Variants in KRT26 observed in about 807,000 individuals in gnomAD.
KRT26 encodes keratin 26.
In KRT26, 45 loss-of-function variants were observed where a neutral mutation model predicts 46.1. The observed-to-expected ratio is 0.98, with a 90% CI of 0.77 to 1.25. KRT26 has a LOEUF of 1.25. Among genes scored for constraint, KRT26 ranks in the 50% most tolerant of loss-of-function variants. The pLI, the probability that KRT26 is intolerant of heterozygous loss-of-function variation, is 0.00. For missense variants in KRT26, 582 were observed against 560.1 expected, an observed-to-expected ratio of 1.04 and a Z score of -0.39; for synonymous variants, 191 against 209.9, an observed-to-expected ratio of 0.91 and a Z score of 0.78.
chr17:40,772,081 C>T, exon 1 of KRT26: 1 of 1,614,098 alleles, frequency 6.2e-7, no homozygotes, highest in African/African-American at 1.3e-5. Flanking sequence ...GCGAGCAGAT[C>T]CTCCTGGATC....
In KRT26 at chr17:40,766,718, G is replaced by T. The variant is rs749049792; in HGVS notation, c.1256-52C>A. The T allele has an allele frequency of 4.1e-4, 552 of 1,341,914 alleles. 1 individual carries two copies. Among genetic ancestry groups the T allele is most frequent in the African/African-American group, 2.9e-5 (2 of 68,756 alleles). 83.1% of individuals were successfully genotyped at this position (1,341,914 alleles called of 1,614,324 possible). The stretch of plus-strand genomic sequence containing the variant: ...TGGTCATTTTTTAACAGGTTGAAAA[G>T]TAGCCATAATAGGTATGCTTTTTGT... On this transcript the variant is annotated intron_variant, in intron 7 of 7. Transcript: ENST00000335552.
rs1281239864 is a variant in KRT26, at chr17:40,770,324, T to C, written c.610A>G (p.Thr204Ala). Reference sequence around the variant, plus strand: ...TCACACTGTATCTCCAGGTCGGTTGTACAAAGGGTCAGTTCATCCAACACT... The same window carrying C: ...TCACACTGTATCTCCAGGTCGGTTGCACAAAGGGTCAGTTCATCCAACACT... The change falls in exon 3 of 8, where the codon ACA (threonine) becomes GCA (alanine). Residue 204 changes from threonine to alanine, a missense_variant. Coordinates refer to ENST00000335552, the Ensembl canonical transcript of KRT26. 3.1e-6 allele frequency: 5 copies of C among 1,614,032 alleles called. No individual in the cohort carries two copies. The African/African-American group carries it at 5.3e-5, about 17-fold the overall frequency.
intron 2 of KRT26, among the ~76,000 whole-genome samples, chr17:40,770,778 G>A (rs149967612): frequency 3.3e-5 from 5 of 152,142 alleles, no homozygotes; most frequent in Admixed American, 6.5e-5. Context: ...TCCACCTTCC[G>A]GGTTCAAGTG....
exon 1 of KRT26, chr17:40,772,047 C>G: frequency 6.2e-7 from 1 of 1,614,164 alleles, no homozygotes; most frequent in East Asian, 2.2e-5. Flanking sequence ...GTTCCTCCAC[C>G]GGACAGCCTA....
exon 1 of KRT26, chr17:40,772,001 C>T: frequency 6.2e-7 from 1 of 1,614,150 alleles, no homozygotes; most frequent in Non-Finnish European, 8.5e-7. Flanking sequence ...GCTTCTTGCT[C>T]CCGATCCAAC....
intron 6 of KRT26, 104 bp from the exon 7 acceptor site, chr17:40,767,757 A>C: frequency 1.6e-6 from 1 of 621,154 alleles, no homozygotes; most frequent in East Asian, 2.8e-5. Context: ...AGTTTCAATA[A>C]GATTCAAATT....
exon 3 of KRT26, chr17:40,770,278 G>T (rs111493875): frequency 6.2e-7 from 1 of 1,614,114 alleles, no homozygotes; most frequent in Non-Finnish European, 8.5e-7. Flanking sequence ...TTTGAGGTAG[G>T]TCAATTCCTC....
intron 5 of KRT26, 109 bp downstream of exon 5, chr17:40,769,645 T>C: frequency 1.8e-6 from 2 of 1,114,808 alleles, no homozygotes; most frequent in Non-Finnish European, 2.6e-6. Flanking sequence ...TTTATACTTT[T>C]AGTCATATGT....
chr17:40,771,091 C>A (rs1368480219), intron 2 of KRT26, 63 bp downstream of exon 2: 1 of 967,108 alleles, frequency 1.0e-6, no homozygotes, highest in East Asian at 2.7e-5. Context: ...AATATATATT[C>A]CTTAATCCAA....
At chr17:40,768,290 G>A (rs956435762) in intron 6 of KRT26, among the ~76,000 whole-genome samples, 1 of 152,186 alleles carries the variant, frequency 6.6e-6, no homozygotes, top group African/African-American at 2.4e-5. Flanking sequence ...TACCTATGTA[G>A]TGAGACATTA....
In KRT26 at chr17:40,769,827, G is replaced by T. The variant is rs557898612; in HGVS notation, c.896C>A (p.Ala299Asp). 2.1e-5 allele frequency: 34 copies of T among 1,614,096 alleles called. No individual in the cohort carries two copies. The South Asian group carries it at 3.4e-4, about 16-fold the overall frequency. Reference sequence around the variant, plus strand: ...TTTTAATTCGGTCAGCTCATTTCTGGCTGCTGTGGCTGCTCCCTCATGATC... The same window carrying T: ...TTTTAATTCGGTCAGCTCATTTCTGTCTGCTGTGGCTGCTCCCTCATGATC... The change falls in exon 5 of 8, where the codon GCC (alanine) becomes GAC (aspartate). Residue 299 changes from alanine to aspartate, a missense_variant. Transcript: ENST00000335552.
Position 40,768,847 on chromosome 17 carries a change from G to T in KRT26, c.1187+32C>A, listed in dbSNP as rs1299255511. 27 of 987,300 alleles carry T rather than the reference G, an allele frequency of 2.7e-5. No homozygotes were observed. In the African/African-American group the frequency reaches 3.6e-4, roughly 13 times the overall value. 61.2% of individuals were successfully genotyped at this position (987,300 alleles called of 1,614,324 possible). A position where few individuals can be genotyped will look rare whatever the true frequency, so the allele number is the denominator to read the frequency against. On this transcript the variant is annotated intron_variant, in intron 6 of 7. Transcript: ENST00000335552. The stretch of plus-strand genomic sequence containing the variant: ...TGTGGGAAAACCTAGTTAATGTGAG[G>T]TTTTTTTTTTTTTTTGCAAGTTAAT...
chr17:40,769,170 T>C, intron 5 of KRT26, 74 bp from the exon 6 acceptor site: 5 of 978,232 alleles, frequency 5.1e-6, no homozygotes, highest in South Asian at 4.8e-5. Context: ...ATTTTATTTA[T>C]TTTTTTGAGA....
intron 7 of KRT26, 96 bp from the exon 8 acceptor site, chr17:40,766,762 A>G (rs1203832140): frequency 2.3e-6 from 2 of 858,966 alleles, no homozygotes; most frequent in African/African-American, 3.4e-5. Context: ...TTTTTTGAGA[A>G]GGAGTCTCGC....
chr17:40,770,354 G>A (rs749250027), exon 3 of KRT26: 19 of 1,613,642 alleles, frequency 1.2e-5, no homozygotes, highest in Middle Eastern at 1.6e-4. Context: ...AACACTCTGC[G>A]AAGACCACTG....
At chr17:40,767,409 T>C (rs1390307366) in intron 7 of KRT26, among the ~76,000 whole-genome samples, 177 bp downstream of exon 7, 1 of 152,252 alleles carries the variant, frequency 6.6e-6, no homozygotes, top group Non-Finnish European at 1.5e-5. Flanking sequence ...ACCACATCTG[T>C]TGATCTACGG....
chr17:40,769,989 T>C (rs2038207213), exon 4 of KRT26: 1 of 1,614,076 alleles, frequency 6.2e-7, no homozygotes, highest in African/African-American at 1.3e-5. Flanking sequence ...TTCAGCATCT[T>C]TGCGGTTCTG....
At chr17:40,769,634 T>C (rs954342804) in intron 5 of KRT26, 120 bp downstream of exon 5, 67 of 1,038,508 alleles carry the variant, frequency 6.5e-5, no homozygotes, top group Non-Finnish European at 9.1e-5. Flanking sequence ...ATTTAATATA[T>C]TTTATACTTT....
intron 7 of KRT26, among the ~76,000 whole-genome samples, chr17:40,767,211 C>A (rs113316392): frequency 5.3e-5 from 8 of 152,286 alleles, no homozygotes; most frequent in African/African-American, 1.4e-4. Flanking sequence ...TTAAAACAAT[C>A]TAAGTATCAG....
Sources: allele counts gnomAD v4.1 joint callset (sites outside exome capture counted in the v4.1 genomes callset), GRCh38; gene constraint gnomAD v4.1.1; transcripts MANE v1.5; gene names NCBI Gene and HGNC (gene_info 2026-07-23, HGNC 2026-07-21).